The following RAP1GAP2 variants were observed in gnomAD, a reference collection of about 807,000 sequenced individuals.
RAP1GAP2 encodes rap1 GTPase-activating protein 2.
In RAP1GAP2, 27 loss-of-function variants were observed where a neutral mutation model predicts 95.0. The observed-to-expected ratio is 0.28, with a 90% CI of 0.21 to 0.39. The LOEUF (loss-of-function observed/expected upper bound fraction) is 0.39. Among genes scored for constraint, RAP1GAP2 ranks in the 10% least tolerant of loss-of-function variants. The probability of loss-of-function intolerance (pLI) is 1.00; values close to 1 mark genes in which losing one functional copy is unlikely to be tolerated. For synonymous variants in RAP1GAP2, 373 were observed against 380.9 expected, an observed-to-expected ratio of 0.98 and a Z score of 0.24; for missense variants, 771 against 970.0, an observed-to-expected ratio of 0.79 and a Z score of 2.72.
At chr17:2,948,330 C>G (rs2043784308) in intron 3 of RAP1GAP2, among the ~76,000 whole-genome samples, 1 of 152,210 alleles carries the variant, frequency 6.6e-6, no homozygotes, top group Non-Finnish European at 1.5e-5. Flanking sequence ...GCAGGTAGCT[C>G]AGCAAGGACC....
At chr17:2,988,617 A>C (rs978948702) in intron 11 of RAP1GAP2, among the ~76,000 whole-genome samples, 1 of 152,142 alleles carries the variant, frequency 6.6e-6, no homozygotes, top group Non-Finnish European at 1.5e-5. Context: ...TTTAACCATC[A>C]CCCACTGAAA....
intron 3 of RAP1GAP2, among the ~76,000 whole-genome samples, chr17:2,945,126 C>T (rs1043464452): frequency 2.6e-5 from 4 of 152,238 alleles, no homozygotes; most frequent in Non-Finnish European, 4.4e-5. Context: ...CCACCCGCCT[C>T]GGCCTCCCAA....
In RAP1GAP2 at chr17:2,904,530, C is replaced by CTGTG. The variant is rs5818880; in HGVS notation, c.81-718_81-715dup. Among the ~76,000 whole-genome samples, 20,522 of 128,944 alleles carry CTGTG rather than the reference C, an allele frequency of 0.16. 1,909 individuals are homozygous for CTGTG. Among genetic ancestry groups the CTGTG allele is most frequent in the Middle Eastern group, 0.21 (53 of 250 alleles). 84.6% of individuals were successfully genotyped at this position (128,944 alleles called of 152,430 possible). Reference sequence around the variant, plus strand: ...CCGAGGACAGCTTTTTGACCAGGGCCTGTGTGTGTGTGTGTGTGTGTGTGT... The same window carrying CTGTG: ...CCGAGGACAGCTTTTTGACCAGGGCCTGTGTGTGTGTGTGTGTGTGTGTGTGTGT... On this transcript the variant is annotated intron_variant, in intron 2 of 24. Transcript: ENST00000254695. The surrounding 1 kb of genome is among the most constrained non-coding windows in gnomAD (Gnocchi z 4.7).
intron 2 of RAP1GAP2, among the ~76,000 whole-genome samples, chr17:2,893,622 G>C (rs1271894501): frequency 3.3e-5 from 5 of 152,366 alleles, no homozygotes; most frequent in Non-Finnish European, 5.9e-5. Context: ...CCCACACCTT[G>C]TGACTCCCGG....
chr17:3,032,604 A>C (rs76193846), intron 24 of RAP1GAP2, among the ~76,000 whole-genome samples, 155 bp downstream of exon 24: 4,599 of 152,200 alleles, frequency 0.03, 208 homozygotes, highest in African/African-American at 0.1. Flanking sequence ...AAGACCTGCA[A>C]TGGGGAAGGA....
At chr17:2,853,468 T>C (rs2071972736) in intron 2 of RAP1GAP2, among the ~76,000 whole-genome samples, 1 of 145,576 alleles carries the variant, frequency 6.9e-6, no homozygotes, top group Non-Finnish European at 1.5e-5. Context: ...GGGAGGGAGC[T>C]CGGGGCCGCC....
rs1189271020 is a variant in RAP1GAP2 at position 3,027,666 on chromosome 17, A to G, written c.2107+596A>G. 6.6e-6 allele frequency among the ~76,000 whole-genome samples: 1 copy of G among 151,030 alleles called. No individual in the cohort carries two copies. The highest frequency in any genetic ancestry group is 6.6e-5 in the Admixed American group (1 of 15,146). ...TTGTTCTGCTAGCGGCCACTGTTGGAGTGTTTGAAGGTTCTTAAGTAGGGA... is the reference window on the plus strand; with the variant it reads ...TTGTTCTGCTAGCGGCCACTGTTGGGGTGTTTGAAGGTTCTTAAGTAGGGA... On this transcript the variant is annotated intron_variant, in intron 22 of 24. Coordinates refer to ENST00000254695, the MANE Select transcript of RAP1GAP2 (RefSeq NM_015085.5). The surrounding 1 kb of genome is among the most constrained non-coding windows in gnomAD (Gnocchi z 5.2).
chr17:2,977,166 G>A (rs1157082161), intron 8 of RAP1GAP2, among the ~76,000 whole-genome samples: 1 of 151,046 alleles, frequency 6.6e-6, no homozygotes, highest in South Asian at 2.1e-4. Flanking sequence ...GATACAAATA[G>A]TATTACAGCA....
At chr17:2,974,663 T>G (rs1425504353) in intron 8 of RAP1GAP2, among the ~76,000 whole-genome samples, 1 of 150,924 alleles carries the variant, frequency 6.6e-6, no homozygotes, top group East Asian at 1.9e-4. Flanking sequence ...GCAAGGACAA[T>G]GGGAAGGAAA....
chr17:2,922,262 C>T (rs765853567), intron 3 of RAP1GAP2, among the ~76,000 whole-genome samples: 4 of 152,186 alleles, frequency 2.6e-5, no homozygotes, highest in Admixed American at 1.3e-4. Context: ...TCTATGAGGA[C>T]GTTAATCCCG....
intron 1 of RAP1GAP2, among the ~76,000 whole-genome samples, chr17:2,789,239 G>T (rs984470253): frequency 6.6e-6 from 1 of 151,872 alleles, no homozygotes; most frequent in African/African-American, 2.4e-5. Context: ...TAGACATGGG[G>T]GTTCCACCAT....
chr17:2,859,989 C>T (rs1238422598), intron 2 of RAP1GAP2, among the ~76,000 whole-genome samples: 11 of 148,560 alleles, frequency 7.4e-5, no homozygotes, highest in African/African-American at 9.9e-5. Context: ...TCTCTTTTTG[C>T]GACGTTAGTC....
intron 11 of RAP1GAP2, among the ~76,000 whole-genome samples, chr17:2,988,620 C>A (rs1190972740): frequency 6.6e-6 from 1 of 152,220 alleles, no homozygotes; most frequent in African/African-American, 2.4e-5. Flanking sequence ...AACCATCACC[C>A]ACTGAAAGAC....
chr17:2,924,376 A>G (rs554246531), intron 3 of RAP1GAP2, among the ~76,000 whole-genome samples: 1 of 152,320 alleles, frequency 6.6e-6, no homozygotes, highest in African/African-American at 2.4e-5. Flanking sequence ...AGCAAATGAC[A>G]TGGCTGAGCT....
At chr17:2,980,233 G>A (rs529656497) in intron 8 of RAP1GAP2, 54 bp from the exon 9 acceptor site, 21 of 1,573,222 alleles carry the variant, frequency 1.3e-5, no homozygotes, top group African/African-American at 5.4e-5. Flanking sequence ...ACGAGTCCCC[G>A]CGCCCTCACT....
At chr17:2,912,296 G>C (rs1038205798) in intron 3 of RAP1GAP2, among the ~76,000 whole-genome samples, 2 of 151,826 alleles carry the variant, frequency 1.3e-5, no homozygotes, top group African/African-American at 4.9e-5. Context: ...CCTGGGGTTG[G>C]GGGGTGGTGT....
rs777311706 is a variant in RAP1GAP2 at position 2,963,880 on chromosome 17, C to G, written c.304C>G (p.Pro102Ala). The G allele has an allele frequency of 6.2e-7, 1 of 1,611,350 alleles. No homozygotes were observed. Among genetic ancestry groups the G allele is most frequent in the Non-Finnish European group, 8.5e-7 (1 of 1,178,866 alleles). ...GGTTGTGGAGAAGGGAGGCCCGTAC[C>G]CTCAGGTCATCCTGCCACAGTTTGG... ...DEVVEKGGPY[P>A]QVILPQFGGY... The change falls in exon 7 of 25, where the codon CCT becomes GCT. Residue 102 changes from proline to alanine, a missense_variant. By Grantham distance (27) the Pro-to-Ala change is conservative. Transcript: ENST00000254695. The surrounding 1 kb of genome is among the most constrained non-coding windows in gnomAD (Gnocchi z 4.8).
rs1169922962 is a variant in RAP1GAP2, at chr17:2,810,522, C to CTTTTTT, written c.80+9993_80+9998dup. Among the ~76,000 whole-genome samples, 539 of 69,428 alleles carry CTTTTTT rather than the reference C, an allele frequency of 7.8e-3. 141 individuals carry two copies. Among genetic ancestry groups the CTTTTTT allele is most frequent in the African/African-American group, 0.03 (506 of 17,122 alleles). The allele number at this position is 69,428 out of a possible 152,430, so 45.5% of individuals were successfully genotyped here. A position where few individuals can be genotyped will look rare whatever the true frequency, so the allele number is the denominator to read the frequency against. On this transcript the variant is annotated intron_variant, in intron 2 of 24. Coordinates refer to ENST00000254695, the MANE Select transcript of RAP1GAP2 (RefSeq NM_015085.5). ...GCTATCCCTCCCCTGTCCCCCCACC[C>CTTTTTT]TTTTTTTTTTTTTTTTTTTTTTTTT... is the stretch of plus-strand genomic sequence containing the variant.
At chr17:2,890,421 A>C (rs2151694166) in intron 2 of RAP1GAP2, among the ~76,000 whole-genome samples, 1 of 152,320 alleles carries the variant, frequency 6.6e-6, no homozygotes, top group African/African-American at 2.4e-5. Context: ...TTAAGACTTA[A>C]GACACAGTCT....
Sources: gnomAD v4.1 joint callset for allele counts (sites outside exome capture counted in the v4.1 genomes callset) on GRCh38, gnomAD v4.1.1 for gene constraint, Gnocchi (gnomAD v3.1) non-coding constraint, MANE v1.5 for transcripts, NCBI Gene and HGNC (gene_info 2026-07-23, HGNC 2026-07-21) for gene names.